Variants in ST6GALNAC3 observed in about 807,000 individuals in gnomAD.
ST6GALNAC3 encodes alpha-N-acetylgalactosaminide alpha-2,6-sialyltransferase 3.
In ST6GALNAC3, 25 loss-of-function variants were observed where a neutral mutation model predicts 32.7. The observed-to-expected ratio is 0.76, with a 90% confidence interval of 0.56 to 1.07. The LOEUF is 1.07. ST6GALNAC3 is among the 50% of genes least tolerant of loss of function. ST6GALNAC3 has a pLI of 0.00. For synonymous variants in ST6GALNAC3, 129 were observed against 133.1 expected (o/e 0.97, Z 0.21); for missense variants, 355 against 382.4 (o/e 0.93, Z 0.60).
chr1:76,537,418 G>A (rs967287184), intron 3 of ST6GALNAC3, among the ~76,000 whole-genome samples: 1 of 152,086 alleles, frequency 6.6e-6, no homozygotes, highest in South Asian at 2.1e-4. Context: ...AAAAGAGCTA[G>A]AGAGGCAAGA....
At chr1:76,392,552 C>T (rs1652646980) in intron 2 of ST6GALNAC3, among the ~76,000 whole-genome samples, 1 of 152,142 alleles carries the variant, frequency 6.6e-6, no homozygotes, top group Non-Finnish European at 1.5e-5. Flanking sequence ...AGCATTTTGG[C>T]TTATCACTTT....
intron 1 of ST6GALNAC3, among the ~76,000 whole-genome samples, chr1:76,095,995 C>G (rs931819317): frequency 7.2e-5 from 11 of 152,282 alleles, no homozygotes; most frequent in East Asian, 3.9e-4. Context: ...ATTCCCTCAC[C>G]TGTGGGGATG....
chr1:76,376,223 C>A (rs1020664842), intron 2 of ST6GALNAC3, among the ~76,000 whole-genome samples: 1 of 152,126 alleles, frequency 6.6e-6, no homozygotes, highest in South Asian at 2.1e-4. Flanking sequence ...CCAATGATAA[C>A]ATCTTATGTG....
In ST6GALNAC3 at chr1:76,457,221, A is replaced by T. The variant is rs1250666215; in HGVS notation, c.623+44804A>T. Among the ~76,000 whole-genome samples, 5 of 152,248 alleles carry T rather than the reference A, an allele frequency of 3.3e-5. No individual in the cohort carries two copies. The East Asian group carries it at 9.6e-4, about 29-fold the overall frequency. On this transcript the variant is annotated intron_variant, in intron 3 of 4. Transcript: ENST00000328299. ...ATAAAAGAGGATACAAACAAATGGA[A>T]GAACATTCCATGCTCATGGATAGGA...
Position 76,628,913 on chromosome 1 carries a change from T to C in ST6GALNAC3, c.*107T>C. On this transcript the variant is annotated 3_prime_UTR_variant, in exon 5 of 5. Coordinates refer to ENST00000328299, the MANE Select transcript of ST6GALNAC3 (RefSeq NM_152996.4). ...ATGGTAATGATAAAGACAACAACAATGATTATCAAGTTCCTGTACACTCTC... is the reference window on the plus strand; with the variant it reads ...ATGGTAATGATAAAGACAACAACAACGATTATCAAGTTCCTGTACACTCTC... 1 of 1,542,194 alleles carries C rather than the reference T, an allele frequency of 6.5e-7. No individual in the cohort carries two copies. Among genetic ancestry groups the C allele is most frequent in the South Asian group, 1.2e-5 (1 of 80,336 alleles).
At chr1:76,522,595 C>T (rs942218086) in intron 3 of ST6GALNAC3, among the ~76,000 whole-genome samples, 1 of 152,128 alleles carries the variant, frequency 6.6e-6, no homozygotes, top group Non-Finnish European at 1.5e-5. Flanking sequence ...TAAGACATAA[C>T]ACTTTTTATT....
chr1:76,169,373 C>T (rs768972605), intron 1 of ST6GALNAC3, among the ~76,000 whole-genome samples: 1 of 152,226 alleles, frequency 6.6e-6, no homozygotes, highest in African/African-American at 2.4e-5. Context: ...CTCTAGCTAC[C>T]TTTAACATTT....
rs529586160 is a variant in ST6GALNAC3, at chr1:76,304,731, A to T, written c.19-9074A>T. On this transcript the variant is annotated intron_variant, in intron 1 of 4. Coordinates refer to ENST00000328299, the MANE Select transcript of ST6GALNAC3 (RefSeq NM_152996.4). ...ATGTAGATTCACAGAAAAATAAGAGATTCCAGCTGATGTCATTATCATCGT... is the reference window on the plus strand; with the variant it reads ...ATGTAGATTCACAGAAAAATAAGAGTTTCCAGCTGATGTCATTATCATCGT... Among the ~76,000 whole-genome samples, 3 of 152,110 alleles carry T rather than the reference A, an allele frequency of 2.0e-5. No homozygotes were observed. The East Asian group carries it at 5.8e-4, about 29-fold the overall frequency.
At chr1:76,191,171 C>A (rs1010931043) in intron 1 of ST6GALNAC3, among the ~76,000 whole-genome samples, 1 of 151,968 alleles carries the variant, frequency 6.6e-6, no homozygotes, top group African/African-American at 2.4e-5. Flanking sequence ...GAGGTCAGGG[C>A]ATTTGTTTGT....
intron 3 of ST6GALNAC3, among the ~76,000 whole-genome samples, chr1:76,512,752 A>G (rs1346852569): frequency 6.6e-6 from 1 of 152,058 alleles, no homozygotes; most frequent in Non-Finnish European, 1.5e-5. Flanking sequence ...TCTGGTAACC[A>G]CTGTTTTACT....
chr1:76,537,056 C>A (rs1290194698), intron 3 of ST6GALNAC3, among the ~76,000 whole-genome samples: 1 of 152,184 alleles, frequency 6.6e-6, no homozygotes, highest in Non-Finnish European at 1.5e-5. Flanking sequence ...TGCCACATGG[C>A]ACTTATTCTA....
chr1:76,330,798 C>G (rs972539224), intron 2 of ST6GALNAC3, among the ~76,000 whole-genome samples: 1 of 152,118 alleles, frequency 6.6e-6, no homozygotes, highest in Non-Finnish European at 1.5e-5. Flanking sequence ...TTTCCATATC[C>G]AAAATCTGGT....
At chr1:76,546,545 A>G (rs971028985) in intron 3 of ST6GALNAC3, among the ~76,000 whole-genome samples, 1 of 152,202 alleles carries the variant, frequency 6.6e-6, no homozygotes, top group Non-Finnish European at 1.5e-5. Context: ...AATGCAAATG[A>G]CCTTTGAGAC....
chr1:76,429,920 A>G lies in ST6GALNAC3; in HGVS notation c.623+17503A>G, dbSNP rs1231000945. Among the ~76,000 whole-genome samples, 4 of 152,272 alleles carry G rather than the reference A, an allele frequency of 2.6e-5. No individual in the cohort carries two copies. The East Asian group carries it at 7.7e-4, about 29-fold the overall frequency. ...GATATATGTTCAGTACAAATGAAAC[A>G]TTCTCTCCCCAAGAGGACTCATTCA... On this transcript the variant is annotated intron_variant, in intron 3 of 4. Transcript: ENST00000328299.
In ST6GALNAC3 at chr1:76,630,089, G is replaced by A; in HGVS notation, c.*1283G>A. 1 of 985,162 alleles carries A rather than the reference G, an allele frequency of 1.0e-6. No homozygotes were observed. The highest frequency in any genetic ancestry group is 1.2e-6 in the Non-Finnish European group (1 of 829,812). 61.0% of individuals were successfully genotyped at this position (985,162 alleles called of 1,614,324 possible). A position where few individuals can be genotyped will look rare whatever the true frequency, so the allele number is the denominator to read the frequency against. On this transcript the variant is annotated 3_prime_UTR_variant, in exon 5 of 5. Coordinates refer to ENST00000328299, the MANE Select transcript of ST6GALNAC3 (RefSeq NM_152996.4). ...AACACCCCATTGGGCTATTGTCTGT[G>A]TATTCTGCTCTCTTTAGCAGATGAT...
chr1:76,607,860 C>A (rs976189877), intron 3 of ST6GALNAC3, among the ~76,000 whole-genome samples: 11 of 152,290 alleles, frequency 7.2e-5, no homozygotes, highest in African/African-American at 1.9e-4. Context: ...TCTGACTCAG[C>A]AGTCCTGTAC....
At chr1:76,173,786 A>G (rs970615631) in intron 1 of ST6GALNAC3, among the ~76,000 whole-genome samples, 2 of 152,228 alleles carry the variant, frequency 1.3e-5, no homozygotes, top group Non-Finnish European at 2.9e-5. Flanking sequence ...CCACAATGAG[A>G]TACCATCTCA....
rs60405570 is a variant in ST6GALNAC3 at position 76,391,599 on chromosome 1, C to CCCCTTCCCTT, written c.214-20401_214-20392dup. 4.2e-3 allele frequency among the ~76,000 whole-genome samples: 626 copies of CCCCTTCCCTT among 147,972 alleles called. 16 individuals carry two copies. Among genetic ancestry groups the CCCCTTCCCTT allele is most frequent in the Admixed American group, 0.038 (561 of 14,718 alleles). ...CCCACTTCCCTTTCACCTTCCCCTT[C>CCCCTTCCCTT]CCCTTCCCTTCCCTTCCTTTTCTTT... On this transcript the variant is annotated intron_variant, in intron 2 of 4. Transcript: ENST00000328299.
At chr1:76,391,522 A>ACCTTCCTT (rs71071997) in intron 2 of ST6GALNAC3, among the ~76,000 whole-genome samples, 56 of 137,728 alleles carry the variant, frequency 4.1e-4, no homozygotes, top group South Asian at 1.0e-3. Flanking sequence ...ATTAGGAAAG[A>ACCTTCCTT]CCTTCCTTCC....
Sources: allele counts gnomAD v4.1 joint callset (sites outside exome capture counted in the v4.1 genomes callset), GRCh38; gene constraint gnomAD v4.1.1; transcripts MANE v1.5; gene names NCBI Gene and HGNC (gene_info 2026-07-23, HGNC 2026-07-21).